Variants in DOK6 observed in about 807,000 individuals in gnomAD.
DOK6 encodes docking protein 6, also known as downstream of tyrosine kinase 6.
A neutral mutation model predicts 44.0 loss-of-function variants in DOK6; 22 were observed. The observed-to-expected ratio is 0.50, with a 90% CI of 0.36 to 0.71. DOK6 has a LOEUF of 0.71. Among genes scored for constraint, DOK6 ranks in the 30% least tolerant of loss-of-function variants. The pLI is 0.00. For missense variants in DOK6, 340 were observed against 416.4 expected, an observed-to-expected ratio of 0.82 and a Z score of 1.60; for synonymous variants, 166 against 145.5, an observed-to-expected ratio of 1.14 and a Z score of -1.01.
chr18:69,663,761 C>T (rs897996246), intron 3 of DOK6, among the ~76,000 whole-genome samples: 6 of 152,142 alleles, frequency 3.9e-5, no homozygotes, highest in Non-Finnish European at 7.3e-5. Flanking sequence ...GGCAACAAGC[C>T]TATCCTCAAA....
At chr18:69,612,427 G>T (rs1984170805) in intron 3 of DOK6, among the ~76,000 whole-genome samples, 1 of 147,272 alleles carries the variant, frequency 6.8e-6, no homozygotes, top group Non-Finnish European at 1.5e-5. Flanking sequence ...GTGTGCGAGG[G>T]CGCATGTGTG....
At chr18:69,594,747 G>A (rs994051525) in intron 2 of DOK6, among the ~76,000 whole-genome samples, 2 of 152,008 alleles carry the variant, frequency 1.3e-5, no homozygotes, top group Non-Finnish European at 2.9e-5. Flanking sequence ...CTAACACTTT[G>A]GGAGGTGGAG....
intron 2 of DOK6, among the ~76,000 whole-genome samples, chr18:69,569,150 C>T (rs940115851): frequency 5.9e-5 from 9 of 152,056 alleles, no homozygotes; most frequent in African/African-American, 1.2e-4. Flanking sequence ...CAGAAAGATT[C>T]GGCATCATTG....
At chr18:69,733,082 T>C (rs1279884253) in intron 5 of DOK6, among the ~76,000 whole-genome samples, 1 of 152,076 alleles carries the variant, frequency 6.6e-6, no homozygotes. Flanking sequence ...TACAAACAGC[T>C]ACTCAGGAGG....
chr18:69,569,126 G>C (rs987989012), intron 2 of DOK6, among the ~76,000 whole-genome samples: 1 of 152,000 alleles, frequency 6.6e-6, no homozygotes. Flanking sequence ...GGGAACTGCT[G>C]ACTAAAACAA....
intron 1 of DOK6, among the ~76,000 whole-genome samples, chr18:69,419,032 G>A (rs938274130): frequency 6.6e-6 from 1 of 152,058 alleles, no homozygotes; most frequent in Non-Finnish European, 1.5e-5. Flanking sequence ...GTTTGTATAA[G>A]CTACATTTGC....
chr18:69,756,250 G>A (rs1415487199), intron 6 of DOK6, among the ~76,000 whole-genome samples: 1 of 152,116 alleles, frequency 6.6e-6, no homozygotes, highest in Non-Finnish European at 1.5e-5. Context: ...GATTCTGAAA[G>A]CACTACTCTA....
At chr18:69,447,528 G>T (rs1418944949) in intron 1 of DOK6, among the ~76,000 whole-genome samples, 2 of 152,130 alleles carry the variant, frequency 1.3e-5, no homozygotes, top group Non-Finnish European at 2.9e-5. Flanking sequence ...GGATTGTCTT[G>T]GCAGTGTGGC....
intron 7 of DOK6, among the ~76,000 whole-genome samples, chr18:69,822,085 A>G (rs960967240): frequency 3.9e-5 from 6 of 152,200 alleles, no homozygotes; most frequent in Admixed American, 3.9e-4. Flanking sequence ...CCAGTTGGTC[A>G]CTATTACATA....
At chr18:69,420,063 A>G (rs1978444043) in intron 1 of DOK6, among the ~76,000 whole-genome samples, 1 of 152,126 alleles carries the variant, frequency 6.6e-6, no homozygotes, top group East Asian at 1.9e-4. Flanking sequence ...AACTTCAACT[A>G]AATTTATTTT....
intron 3 of DOK6, among the ~76,000 whole-genome samples, chr18:69,643,273 T>C (rs1984988965): frequency 6.6e-6 from 1 of 152,208 alleles, no homozygotes; most frequent in Middle Eastern, 3.2e-3. Context: ...ATTCAGATTT[T>C]CCTAGTTTTG....
At position 69,674,667 on chromosome 18, in the gene DOK6, C is replaced by T. The variant is rs148188706; in HGVS notation, c.290-3067C>T. On this transcript the variant is annotated intron_variant, in intron 3 of 7. Coordinates refer to ENST00000382713, the MANE Select transcript of DOK6 (RefSeq NM_152721.6). ...ACATACTCACACACACTGATATACA[C>T]GCACGCTCACTAACACACACATCAT... Among the ~76,000 whole-genome samples, 28 of 152,110 alleles carry T rather than the reference C, an allele frequency of 1.8e-4. No individual in the cohort carries two copies. The East Asian group carries it at 3.5e-3, about 19-fold the overall frequency.
intron 5 of DOK6, among the ~76,000 whole-genome samples, chr18:69,733,727 T>G (rs1304729193): frequency 9.7e-6 from 1 of 103,018 alleles, no homozygotes; most frequent in Non-Finnish European, 2.7e-5. Flanking sequence ...TTTTCATAAT[T>G]TTTTCATAGA....
At chr18:69,796,907 T>A (rs1303626301) in intron 7 of DOK6, among the ~76,000 whole-genome samples, 3 of 152,170 alleles carry the variant, frequency 2.0e-5, no homozygotes, top group Admixed American at 6.6e-5. Flanking sequence ...TTAGATGAAA[T>A]AAATCCTGAG....
intron 1 of DOK6, among the ~76,000 whole-genome samples, chr18:69,456,105 T>C (rs1316402557): frequency 1.3e-5 from 2 of 152,202 alleles, no homozygotes; most frequent in Non-Finnish European, 2.9e-5. Flanking sequence ...GAACCGTATC[T>C]ACTACCTCAA....
Position 69,800,215 on chromosome 18 carries a change from T to C in DOK6, c.857-41029T>C, listed in dbSNP as rs571209710. On this transcript the variant is annotated intron_variant, in intron 7 of 7. Coordinates refer to ENST00000382713, the MANE Select transcript of DOK6 (RefSeq NM_152721.6). ...TACCTAATTTCAGAGTATTTTAATATTTTCCTTTAGATACTCTGCTTACCA... is the reference window on the plus strand; with the variant it reads ...TACCTAATTTCAGAGTATTTTAATACTTTCCTTTAGATACTCTGCTTACCA... 5.9e-5 allele frequency among the ~76,000 whole-genome samples: 9 copies of C among 152,224 alleles called. No homozygotes were observed. In the South Asian group the frequency reaches 1.9e-3, roughly 32 times the overall value.
chr18:69,746,301 C>CT (rs1401117324), intron 6 of DOK6, among the ~76,000 whole-genome samples: 2 of 152,276 alleles, frequency 1.3e-5, no homozygotes, highest in East Asian at 3.9e-4. Context: ...CAGAGTCTCA[C>CT]TGTTGCCCAG....
chr18:69,510,412 A>AT (rs1439460751), intron 1 of DOK6, among the ~76,000 whole-genome samples: 41 of 152,176 alleles, frequency 2.7e-4, no homozygotes, highest in African/African-American at 9.9e-4. Flanking sequence ...TGGACTACTG[A>AT]TTTTATTAAC....
At chr18:69,653,583 C>T (rs1344650705) in intron 3 of DOK6, among the ~76,000 whole-genome samples, 1 of 152,126 alleles carries the variant, frequency 6.6e-6, no homozygotes. Flanking sequence ...TGTAAATATC[C>T]CACATTTCTA....
Sources: allele counts gnomAD v4.1 joint callset (sites outside exome capture counted in the v4.1 genomes callset), GRCh38; gene constraint gnomAD v4.1.1; transcripts MANE v1.5; gene names NCBI Gene and HGNC (gene_info 2026-07-23, HGNC 2026-07-21).